The following EYS variants were observed in gnomAD, a reference collection of about 807,000 sequenced individuals.
EYS encodes protein eyes shut homolog.
A neutral mutation model predicts 282.1 loss-of-function variants in EYS; 250 were observed. The ratio of observed to expected loss-of-function variants is 0.89; its 90% CI spans 0.80 to 0.98. The LOEUF (loss-of-function observed/expected upper bound fraction) is 0.98. Among genes scored for constraint, EYS ranks in the 50% least tolerant of loss-of-function variants. The pLI is 0.00. For missense variants in EYS, 4,016 were observed against 3,709.0 expected, an observed-to-expected ratio of 1.08 and a Z score of -2.15; for synonymous variants, 1,355 against 1,282.9, an observed-to-expected ratio of 1.06 and a Z score of -1.20.
chr6:65,020,754 C>G (rs981149596), intron 13 of EYS, among the ~76,000 whole-genome samples: 1 of 152,220 alleles, frequency 6.6e-6, no homozygotes, highest in Non-Finnish European at 1.5e-5. Context: ...ACCCATGAAG[C>G]CCACCTCTGC....
At chr6:65,669,946 A>G (rs967975616) in intron 1 of EYS, among the ~76,000 whole-genome samples, 2 of 152,046 alleles carry the variant, frequency 1.3e-5, no homozygotes, top group Non-Finnish European at 2.9e-5. Flanking sequence ...AATGGTACAT[A>G]GCATATAGTT....
chr6:65,214,228 G>A (rs1240471015), intron 12 of EYS, among the ~76,000 whole-genome samples: 1 of 135,956 alleles, frequency 7.4e-6, no homozygotes, highest in Non-Finnish European at 1.6e-5. Context: ...TAGGCCTCTT[G>A]TACCAAGCAG....
intron 12 of EYS, among the ~76,000 whole-genome samples, chr6:65,065,116 G>T (rs1040759864): frequency 6.6e-5 from 10 of 152,096 alleles, no homozygotes; most frequent in African/African-American, 1.9e-4. Context: ...GCCTTCAGGT[G>T]TCTAATAACA....
At chr6:63,875,800 A>C (rs1050907020) in intron 35 of EYS, among the ~76,000 whole-genome samples, 2 of 152,052 alleles carry the variant, frequency 1.3e-5, no homozygotes, top group Non-Finnish European at 2.9e-5. Flanking sequence ...GTGTATTTCC[A>C]TGGGATCGGT....
chr6:64,435,635 A>C (rs2150463367), intron 28 of EYS, among the ~76,000 whole-genome samples: 1 of 151,984 alleles, frequency 6.6e-6, no homozygotes, highest in Admixed American at 6.6e-5. Flanking sequence ...TTAAAAATTA[A>C]AATTTACTAA....
At chr6:64,572,704 C>G (rs999781824) in intron 26 of EYS, among the ~76,000 whole-genome samples, 9 of 152,068 alleles carry the variant, frequency 5.9e-5, no homozygotes, top group Non-Finnish European at 8.8e-5. Context: ...CCTAGGAATC[C>G]AACTTACAAG....
At chr6:65,176,709 G>A (rs544128597) in intron 12 of EYS, among the ~76,000 whole-genome samples, 1 of 151,550 alleles carries the variant, frequency 6.6e-6, no homozygotes, top group Non-Finnish European at 1.5e-5. Context: ...CTATAAATTA[G>A]AGATAGTAAT....
intron 40 of EYS, among the ~76,000 whole-genome samples, chr6:63,763,870 T>TTATATA (rs55668347): frequency 0.023 from 2,969 of 129,516 alleles, 32 homozygotes; most frequent in South Asian, 0.029. Flanking sequence ...TTATATCTTG[T>TTATATA]TATATATATA....
intron 26 of EYS, among the ~76,000 whole-genome samples, chr6:64,465,589 T>C (rs1323451465): frequency 1.3e-5 from 2 of 152,114 alleles, no homozygotes; most frequent in Non-Finnish European, 2.9e-5. Flanking sequence ...ACCATGTAAT[T>C]AAATAAACTG....
intron 35 of EYS, among the ~76,000 whole-genome samples, chr6:63,885,875 G>T (rs145520529): frequency 1.3e-5 from 2 of 152,126 alleles, no homozygotes; most frequent in African/African-American, 2.4e-5. Context: ...GGCTAGACTT[G>T]TACTCTTTTG....
intron 30 of EYS, among the ~76,000 whole-genome samples, chr6:64,301,193 G>A (rs1020735632): frequency 2.6e-5 from 4 of 152,134 alleles, no homozygotes; most frequent in South Asian, 2.1e-4. Context: ...AAAAACTTAC[G>A]TACCTTAAAT....
At chr6:63,764,321 C>T (rs940538792) in intron 40 of EYS, among the ~76,000 whole-genome samples, 1 of 151,678 alleles carries the variant, frequency 6.6e-6, no homozygotes, top group African/African-American at 2.4e-5. Flanking sequence ...TGGAGACAAA[C>T]AAAATACAGA....
intron 35 of EYS, among the ~76,000 whole-genome samples, chr6:63,873,223 A>G (rs113194854): frequency 6.8e-6 from 1 of 146,260 alleles, no homozygotes; most frequent in Non-Finnish European, 1.5e-5. Context: ...TTATTGTTTA[A>G]TTCCCACCTA....
At chr6:65,106,359 T>C (rs1369356103) in intron 12 of EYS, among the ~76,000 whole-genome samples, 5 of 152,044 alleles carry the variant, frequency 3.3e-5, no homozygotes, top group Non-Finnish European at 7.4e-5. Context: ...TAATGTGACA[T>C]TACCACTGAG....
chr6:64,521,289 T>C (rs1204064481), intron 26 of EYS, among the ~76,000 whole-genome samples: 2 of 151,780 alleles, frequency 1.3e-5, no homozygotes, highest in Non-Finnish European at 2.9e-5. Context: ...TTAATTTAGT[T>C]TATCAGAAAA....
intron 36 of EYS, among the ~76,000 whole-genome samples, chr6:63,850,333 T>A (rs1341347891): frequency 6.6e-6 from 1 of 151,818 alleles, no homozygotes; most frequent in Non-Finnish European, 1.5e-5. Context: ...AGAACACCAA[T>A]AAGATAGTCA....
chr6:63,970,404 G>GACAC (rs1443654335), intron 35 of EYS, among the ~76,000 whole-genome samples: 1 of 152,108 alleles, frequency 6.6e-6, no homozygotes, highest in Admixed American at 6.6e-5. Context: ...GGGAGGCCGA[G>GACAC]GTGGCCAGAT....
At chr6:63,839,777 G>GT (rs1205366052) in intron 36 of EYS, among the ~76,000 whole-genome samples, 3 of 152,086 alleles carry the variant, frequency 2.0e-5, no homozygotes, top group Non-Finnish European at 2.9e-5. Flanking sequence ...TCTATTTTTA[G>GT]TTTTTTGAGG....
chr6:64,597,291 A>G (rs1420592476), intron 24 of EYS, among the ~76,000 whole-genome samples: 1 of 152,220 alleles, frequency 6.6e-6, no homozygotes, highest in Non-Finnish European at 1.5e-5. Context: ...GACAAACTCT[A>G]TGGAAAACAG....
Sources: allele counts gnomAD v4.1 joint callset (sites outside exome capture counted in the v4.1 genomes callset), GRCh38; gene constraint gnomAD v4.1.1; transcripts MANE v1.5; gene names NCBI Gene and HGNC (gene_info 2026-07-23, HGNC 2026-07-21).